UBXN2A: variants seen among roughly 807,000 people sequenced by gnomAD.
UBXN2A encodes the protein UBX domain protein 2A, also known as UBX domain-containing protein 2A.
In UBXN2A, 28 loss-of-function variants were observed where a neutral mutation model predicts 28.4. The ratio of observed to expected loss-of-function variants is 0.99; its 90% CI spans 0.73 to 1.35. The LOEUF is 1.35. Ranked by LOEUF, UBXN2A falls within the 40% of genes most tolerant of loss-of-function variation. The pLI is 0.00. For synonymous variants in UBXN2A, 97 were observed against 103.6 expected, an observed-to-expected ratio of 0.94 and a Z score of 0.39; for missense variants, 253 against 297.9, an observed-to-expected ratio of 0.85 and a Z score of 1.11.
chr2:23,942,419 C>CTT (rs759241567), intron 1 of UBXN2A, among the ~76,000 whole-genome samples: 6,649 of 98,082 alleles, frequency 0.068, 536 homozygotes, highest in South Asian at 0.099. Context: ...TGATGCAGGG[C>CTT]TTTTTTTTTT....
Position 23,948,945 on chromosome 2 carries a change from C to CTTTT in UBXN2A, c.-15+8311_-15+8314dup, listed in dbSNP as rs777506305. Reference sequence around the variant, plus strand: ...CCTTTAAGTAAGACTTCTCTTGTAGCTTTTTTTTTTTTTTTTTGAGACAGA... The same window carrying CTTTT: ...CCTTTAAGTAAGACTTCTCTTGTAGCTTTTTTTTTTTTTTTTTTTTTGAGACAGA... On this transcript the variant is annotated intron_variant, in intron 1 of 6. Transcript: ENST00000309033. Among the ~76,000 whole-genome samples the CTTTT allele has an allele frequency of 4.9e-4, 64 of 131,790 alleles. 1 individual carries two copies. The highest frequency in any genetic ancestry group is 7.6e-4 in the South Asian group (3 of 3,968). The allele number at this position is 131,790 out of a possible 152,430, so 86.5% of individuals were successfully genotyped here. A position where few individuals can be genotyped will look rare whatever the true frequency, so the allele number is the denominator to read the frequency against.
At chr2:23,979,815 C>G (rs1455690957) in intron 4 of UBXN2A, among the ~76,000 whole-genome samples, 1 of 152,080 alleles carries the variant, frequency 6.6e-6, no homozygotes, top group Non-Finnish European at 1.5e-5. Context: ...AAGCAATCCT[C>G]CTGCCTCGAT....
intron 4 of UBXN2A, among the ~76,000 whole-genome samples, chr2:23,981,841 T>C (rs1707923369): frequency 6.6e-6 from 1 of 152,034 alleles, no homozygotes; most frequent in South Asian, 2.1e-4. Flanking sequence ...GGAGCCATGA[T>C]TGCACCACTG....
chr2:23,956,581 G>A (rs1706637648), intron 1 of UBXN2A, among the ~76,000 whole-genome samples: 2 of 152,080 alleles, frequency 1.3e-5, no homozygotes, highest in South Asian at 4.1e-4. Context: ...TTGAACTCCT[G>A]ACCTCAGGTG....
intron 6 of UBXN2A, among the ~76,000 whole-genome samples, chr2:23,989,674 G>A (rs952995693): frequency 6.6e-6 from 1 of 151,926 alleles, no homozygotes; most frequent in African/African-American, 2.4e-5. Context: ...AGGCCAAGGC[G>A]GGCAGATCAC....
rs367683881 is a variant in UBXN2A at position 23,927,942 on chromosome 2, G to A, written c.-138+327G>A. ...TGTAATCCCAGTACTTTGGGAGGCC[G>A]GGGTGGGTGGATCACCTGAGGTCAA... is the stretch of plus-strand genomic sequence containing the variant. On this transcript the variant is annotated intron_variant, in intron 1 of 7. Transcript: ENST00000404924. Among the ~76,000 whole-genome samples, 49 of 151,984 alleles carry A rather than the reference G, an allele frequency of 3.2e-4. No individual in the cohort carries two copies. In the East Asian group the frequency reaches 8.0e-3, roughly 25 times the overall value.
chr2:23,990,468 A>G (rs1237476364), intron 6 of UBXN2A, among the ~76,000 whole-genome samples: 1 of 147,968 alleles, frequency 6.8e-6, no homozygotes, highest in Non-Finnish European at 1.5e-5. Flanking sequence ...GGAAGACAGT[A>G]ATCAAAAAAT....
At chr2:23,977,937 T>A (rs1347586662) in intron 4 of UBXN2A, among the ~76,000 whole-genome samples, 1 of 152,082 alleles carries the variant, frequency 6.6e-6, no homozygotes, top group Admixed American at 6.6e-5. Flanking sequence ...GGTCAAGTGA[T>A]TCTTGTGCCT....
upstream of UBXN2A, among the ~76,000 whole-genome samples, chr2:23,938,553 C>T (rs868803603): frequency 2.9e-5 from 3 of 104,716 alleles, no homozygotes; most frequent in African/African-American, 1.1e-4. Flanking sequence ...GCCCCCCCCT[C>T]CCTTTTTTTT....
At chr2:23,951,254 A>T (rs1706345466) in intron 1 of UBXN2A, among the ~76,000 whole-genome samples, 1 of 151,774 alleles carries the variant, frequency 6.6e-6, no homozygotes, top group African/African-American at 2.4e-5. Context: ...CCACCAGATT[A>T]TAATGTCCAA....
intron 1 of UBXN2A, among the ~76,000 whole-genome samples, chr2:23,949,807 G>A (rs555715943): frequency 2.6e-5 from 4 of 151,670 alleles, no homozygotes; most frequent in Non-Finnish European, 4.4e-5. Flanking sequence ...CCTAGGAGGC[G>A]GAGGTTGCAG....
intron 6 of UBXN2A, among the ~76,000 whole-genome samples, chr2:23,991,071 T>A (rs557797668): frequency 6.6e-6 from 1 of 152,312 alleles, no homozygotes; most frequent in Admixed American, 6.5e-5. Context: ...TCTGTCCTAC[T>A]AATGGCTTGG....
chr2:23,978,631 A>C (rs541211034), intron 4 of UBXN2A, among the ~76,000 whole-genome samples: 7 of 144,486 alleles, frequency 4.8e-5, no homozygotes, highest in Middle Eastern at 4.0e-3. Flanking sequence ...GCAACAGAGC[A>C]AGACTCCGTC....
At chr2:23,990,516 C>T (rs1708312714) in intron 6 of UBXN2A, among the ~76,000 whole-genome samples, 1 of 122,908 alleles carries the variant, frequency 8.1e-6, no homozygotes, top group Non-Finnish European at 1.6e-5. Flanking sequence ...CCTGAAATCC[C>T]AGCACTTTGG....
At chr2:23,998,738 CT>C (rs200800114) in intron 6 of UBXN2A, among the ~76,000 whole-genome samples, 2 of 151,120 alleles carry the variant, frequency 1.3e-5, no homozygotes, top group South Asian at 2.1e-4. Flanking sequence ...AGAAAAGAAT[CT>C]TTTTTTTTGA....
intron 4 of UBXN2A, among the ~76,000 whole-genome samples, chr2:23,979,802 C>T (rs1707821894): frequency 6.6e-6 from 1 of 152,052 alleles, no homozygotes; most frequent in South Asian, 2.1e-4. Flanking sequence ...AACTCCTGAT[C>T]TCAAGCAATC....
chr2:23,932,523 C>A (rs1406848952), intron 1 of UBXN2A, among the ~76,000 whole-genome samples: 2 of 152,040 alleles, frequency 1.3e-5, no homozygotes, highest in African/African-American at 2.4e-5. Flanking sequence ...CCTTTCCCAA[C>A]ACTGACACTA....
At chr2:23,936,864 C>T (rs1185182019), upstream of UBXN2A, among the ~76,000 whole-genome samples, 2 of 152,020 alleles carry the variant, frequency 1.3e-5, no homozygotes, top group African/African-American at 4.8e-5. Flanking sequence ...GTGCCTGCCA[C>T]CACGCCTGGC....
intron 2 of UBXN2A, among the ~76,000 whole-genome samples, chr2:23,967,248 G>A (rs1707218989): frequency 6.6e-6 from 1 of 152,106 alleles, no homozygotes; most frequent in South Asian, 2.1e-4. Flanking sequence ...TAATTTGAAT[G>A]CACATGATGA....
Sources: gnomAD v4.1 joint callset for allele counts (sites outside exome capture counted in the v4.1 genomes callset) on GRCh38, gnomAD v4.1.1 for gene constraint, MANE v1.5 for transcripts, NCBI Gene and HGNC (gene_info 2026-07-23, HGNC 2026-07-21) for gene names.